Variants in TAF1B observed in about 807,000 individuals in gnomAD.
TAF1B encodes the protein TATA box-binding protein-associated factor RNA polymerase I subunit B.
Under a neutral mutation model 83.9 loss-of-function variants are expected in TAF1B, and 61 were observed. The ratio of observed to expected loss-of-function variants is 0.73; its 90% CI spans 0.59 to 0.90. TAF1B has a LOEUF of 0.90. Among genes scored for constraint, TAF1B ranks in the 40% least tolerant of loss-of-function variants. The pLI is 0.00. For missense variants in TAF1B, 625 were observed against 677.0 expected, an observed-to-expected ratio of 0.92 and a Z score of 0.85; for synonymous variants, 221 against 224.6, an observed-to-expected ratio of 0.98 and a Z score of 0.14.
chr2:9,851,432 A>G, intron 3 of TAF1B, 109 bp from the exon 4 acceptor site: 1 of 892,250 alleles, frequency 1.1e-6, no homozygotes, highest in South Asian at 2.4e-5. Context: ...TAATTGAAAA[A>G]AAAAGAAAAA....
chr2:9,925,395 G>A (rs1199246045), intron 14 of TAF1B, among the ~76,000 whole-genome samples: 6 of 151,722 alleles, frequency 4.0e-5, no homozygotes, highest in African/African-American at 1.5e-4. Context: ...AGCCAAGATT[G>A]TGCCACTGCA....
chr2:9,900,128 C>G (rs1423453462), intron 8 of TAF1B, among the ~76,000 whole-genome samples: 1 of 152,148 alleles, frequency 6.6e-6, no homozygotes, highest in East Asian at 1.9e-4. Context: ...AAACTATATT[C>G]CTAATCCAGT....
intron 7 of TAF1B, among the ~76,000 whole-genome samples, chr2:9,877,277 G>C (rs1034438745): frequency 8.5e-5 from 13 of 152,158 alleles, no homozygotes; most frequent in South Asian, 4.1e-4. Flanking sequence ...CAGCTACTTA[G>C]ATGTCTTTAT....
chr2:9,868,337 T>C lies in TAF1B; in HGVS notation c.461T>C (p.Val154Ala). The stretch of plus-strand genomic sequence containing the variant: ...AGTGAGCCTGAGCTGCTAAGTGATG[T>C]CAGCTGTCCTCCTTTTCTTGAAAGT... Reference protein sequence around the residue: ...WASEPELLSDVSCPPFLESGA... With the variant: ...WASEPELLSDASCPPFLESGA... Residue 154 changes from valine to alanine, a missense_variant, in exon 6 of 15, where the codon GTC becomes GCC. Transcript: ENST00000263663. The C allele has an allele frequency of 6.2e-7, 1 of 1,614,204 alleles. No individual in the cohort carries two copies. The highest frequency in any genetic ancestry group is 1.3e-5 in the African/African-American group (1 of 75,062).
At chr2:9,912,580 A>G (rs1665565593) in intron 11 of TAF1B, among the ~76,000 whole-genome samples, 1 of 152,252 alleles carries the variant, frequency 6.6e-6, no homozygotes, top group Non-Finnish European at 1.5e-5. Flanking sequence ...TTTACTACGT[A>G]GACATGTAGA....
chr2:9,921,782 G>GA (rs1477124297), intron 14 of TAF1B, among the ~76,000 whole-genome samples: 2 of 152,082 alleles, frequency 1.3e-5, no homozygotes, highest in African/African-American at 4.8e-5. Context: ...AGTTTGAGGA[G>GA]AAAAACTAAA....
intron 8 of TAF1B, among the ~76,000 whole-genome samples, chr2:9,895,952 T>A (rs1665006488): frequency 6.6e-6 from 1 of 152,114 alleles, no homozygotes; most frequent in Admixed American, 6.6e-5. Flanking sequence ...AAAGTATTGC[T>A]TCACGAAGGA....
intron 3 of TAF1B, 93 bp from the exon 4 acceptor site, chr2:9,851,448 G>A: frequency 1.0e-6 from 1 of 967,350 alleles, no homozygotes; most frequent in East Asian, 2.6e-5. Flanking sequence ...AAAAATTCAA[G>A]TCGCAATGTG....
At chr2:9,900,011 A>G (rs1032345163) in intron 8 of TAF1B, among the ~76,000 whole-genome samples, 1 of 152,354 alleles carries the variant, frequency 6.6e-6, no homozygotes, top group East Asian at 1.9e-4. Context: ...TGATGGATTC[A>G]TAAAGAAGAA....
intron 7 of TAF1B, among the ~76,000 whole-genome samples, chr2:9,879,666 G>A (rs1429396104): frequency 1.3e-5 from 2 of 152,182 alleles, no homozygotes; most frequent in Non-Finnish European, 2.9e-5. Context: ...TCGTGTGACT[G>A]GAGTCAGAGA....
chr2:9,904,884 AC>A lies in TAF1B; in HGVS notation c.834del (p.Tyr278Ter). On this transcript the variant is annotated frameshift_variant, in exon 9 of 15. Coordinates refer to ENST00000263663, the MANE Select transcript of TAF1B (RefSeq NM_005680.3). LOFTEE classifies it high-confidence loss of function. Reference protein sequence around the residue: ...IESWPDYEDIYKKTVEVGTFL... With the variant: ...IESWPDYEDIXKKTVEVGTFL... Reference sequence around the variant, plus strand: ...TCTTGGCCTGACTACGAGGACATCTACAAAAAAACAGTAGAAGTTGGAACAT... The same window carrying A: ...TCTTGGCCTGACTACGAGGACATCTAAAAAAAACAGTAGAAGTTGGAACAT... The A allele has an allele frequency of 1.2e-6, 2 of 1,610,112 alleles. No individual in the cohort carries two copies. The highest frequency in any genetic ancestry group is 2.2e-5 in the South Asian group (2 of 91,004).
rs1266915715 is a variant in TAF1B, at chr2:9,882,881, G to A, written c.807+76G>A. 3.6e-6 allele frequency: 4 copies of A among 1,097,664 alleles called. No individual in the cohort carries two copies. In the South Asian group the frequency reaches 5.4e-5, roughly 15 times the overall value. The allele number at this position is 1,097,664 out of a possible 1,614,324, so 68.0% of individuals were successfully genotyped here. A position where few individuals can be genotyped will look rare whatever the true frequency, so the allele number is the denominator to read the frequency against. On this transcript the variant is annotated intron_variant, in intron 8 of 14. Transcript: ENST00000263663. Reference sequence around the variant, plus strand: ...GTATGATAATTTCTATTTCTTGCTTGACTTATTATTTGGTGTTTTGTGTTT... The same window carrying A: ...GTATGATAATTTCTATTTCTTGCTTAACTTATTATTTGGTGTTTTGTGTTT...
At chr2:9,896,021 T>A (rs1464097730) in intron 8 of TAF1B, among the ~76,000 whole-genome samples, 1 of 152,148 alleles carries the variant, frequency 6.6e-6, no homozygotes, top group Non-Finnish European at 1.5e-5. Context: ...AGCACTCCGT[T>A]TTTAATGCAT....
At chr2:9,855,099 ATTC>A (rs1464476309) in intron 5 of TAF1B, among the ~76,000 whole-genome samples, 1 of 152,128 alleles carries the variant, frequency 6.6e-6, no homozygotes, top group Non-Finnish European at 1.5e-5. Context: ...GGTTCAAGCA[ATTC>A]TTCTGCCTCA....
chr2:9,865,050 C>T (rs1663924505), intron 5 of TAF1B, among the ~76,000 whole-genome samples: 1 of 152,196 alleles, frequency 6.6e-6, no homozygotes, highest in South Asian at 2.1e-4. Flanking sequence ...TGCCCTCTCT[C>T]ACCACTCCTA....
chr2:9,902,629 A>C (rs1164000391), intron 8 of TAF1B, among the ~76,000 whole-genome samples: 1 of 152,192 alleles, frequency 6.6e-6, no homozygotes, highest in African/African-American at 2.4e-5. Flanking sequence ...TCACTTATCT[A>C]TTCTAGATAC....
intron 8 of TAF1B, among the ~76,000 whole-genome samples, chr2:9,884,758 G>A (rs1664621335): frequency 6.6e-6 from 1 of 152,120 alleles, no homozygotes; most frequent in Non-Finnish European, 1.5e-5. Flanking sequence ...TCTCTCTAAA[G>A]CTGGTCATCC....
intron 5 of TAF1B, among the ~76,000 whole-genome samples, chr2:9,863,549 G>A (rs539640210): frequency 1.1e-4 from 17 of 152,264 alleles, no homozygotes; most frequent in Non-Finnish European, 2.2e-4. Flanking sequence ...GAGACAGAAA[G>A]TTAACAAGGA....
At chr2:9,901,388 C>A (rs143955285) in intron 8 of TAF1B, among the ~76,000 whole-genome samples, 1 of 152,096 alleles carries the variant, frequency 6.6e-6, no homozygotes, top group Non-Finnish European at 1.5e-5. Context: ...AATTCATATT[C>A]GAAAGAATAG....
Sources: allele counts gnomAD v4.1 joint callset (sites outside exome capture counted in the v4.1 genomes callset), GRCh38; gene constraint gnomAD v4.1.1; transcripts MANE v1.5; gene names NCBI Gene and HGNC (gene_info 2026-07-23, HGNC 2026-07-21).